Variants in TENM1 observed in about 807,000 individuals in gnomAD.
TENM1 encodes teneurin transmembrane protein 1.
TENM1 carries 35 observed loss-of-function variants against 174.8 expected under a neutral mutation model. That is an observed-to-expected ratio of 0.20 (90% CI 0.15 to 0.27). The LOEUF (loss-of-function observed/expected upper bound fraction) is 0.27. Ranked by LOEUF, TENM1 falls within the 10% of genes least tolerant of loss-of-function variation. The pLI is 1.00. For synonymous variants in TENM1, 781 were observed against 798.7 expected (o/e 0.98, Z 0.37); for missense variants, 1,633 against 2,130.1 (o/e 0.77, Z 4.59).
intron 4 of TENM1, among the ~76,000 whole-genome samples, chrX:124,725,134 G>T (rs1276370834): frequency 9.0e-6 from 1 of 110,850 alleles, no homozygotes; most frequent in East Asian, 2.8e-4. Context: ...CTCCTAAGAG[G>T]TATCTTTGAC....
At position 124,855,507 on chromosome X, in the gene TENM1, T is replaced by C. The variant is rs778918187; in HGVS notation, c.535+38789A>G. On this transcript the variant is annotated intron_variant, in intron 3 of 31. Transcript: ENST00000422452. ...TTTATGATTAACCAGGCTGGAAACA[T>C]AGACTTAAAAAAGAATAGCATTTGA... 2.7e-5 allele frequency among the ~76,000 whole-genome samples: 3 copies of C among 111,431 alleles called. No homozygotes were observed. In the East Asian group the frequency reaches 8.5e-4, roughly 31 times the overall value.
the TENM1 span, among the ~76,000 whole-genome samples, chrX:125,016,218 C>G: frequency 9.0e-6 from 1 of 110,529 alleles, no homozygotes; most frequent in East Asian, 2.8e-4. Flanking sequence ...GCCAGGGCAA[C>G]CAGGCAAGAG....
intron 1 of TENM1, among the ~76,000 whole-genome samples, chrX:124,919,509 T>C (rs1174426431): frequency 9.0e-6 from 1 of 110,977 alleles, no homozygotes; most frequent in African/African-American, 3.3e-5. Context: ...AAACATATTT[T>C]TAGGGATGCA....
chrX:124,655,191 C>A (rs2051410184), intron 6 of TENM1, among the ~76,000 whole-genome samples: 1 of 111,343 alleles, frequency 9.0e-6, no homozygotes, highest in South Asian at 3.8e-4. Flanking sequence ...CAAAGCTAAC[C>A]CCGTGATTGT....
At chrX:124,614,744 G>A (rs886077192) in intron 11 of TENM1, among the ~76,000 whole-genome samples, 2 of 112,243 alleles carry the variant, frequency 1.8e-5, no homozygotes, top group Non-Finnish European at 1.9e-5. Flanking sequence ...TTAGCTGGGC[G>A]TGGTGGTGCA....
chrX:124,734,333 C>T (rs1456641666), intron 4 of TENM1, among the ~76,000 whole-genome samples: 1 of 110,694 alleles, frequency 9.0e-6, no homozygotes, highest in African/African-American at 3.3e-5. Context: ...GCCTATAGTC[C>T]CAGCTACTCT....
chrX:124,813,017 CAAAT>C (rs1204832863), intron 3 of TENM1, among the ~76,000 whole-genome samples: 2 of 110,485 alleles, frequency 1.8e-5, no homozygotes, highest in African/African-American at 3.3e-5. Flanking sequence ...TGATAAAAGA[CAAAT>C]AACAAACTGG....
At chrX:124,879,203 T>C (rs1346826034) in intron 3 of TENM1, among the ~76,000 whole-genome samples, 1 of 111,837 alleles carries the variant, frequency 8.9e-6, no homozygotes, top group Non-Finnish European at 1.9e-5. Context: ...CCTACTCTGC[T>C]ATTGAACATT....
chrX:124,614,981 C>A (rs2050366200), intron 11 of TENM1, among the ~76,000 whole-genome samples: 1 of 111,998 alleles, frequency 8.9e-6, no homozygotes, highest in African/African-American at 3.2e-5. Flanking sequence ...TAGGAACATG[C>A]CCAAGATTTA....
At chrX:124,792,444 A>AT (rs1335597671) in intron 3 of TENM1, among the ~76,000 whole-genome samples, 1 of 112,131 alleles carries the variant, frequency 8.9e-6, no homozygotes, top group Non-Finnish European at 1.9e-5. Context: ...AAGAGAGAGA[A>AT]TTTTCTAGTT....
the TENM1 span, among the ~76,000 whole-genome samples, chrX:124,991,004 T>C: frequency 9.0e-6 from 1 of 111,444 alleles, no homozygotes; most frequent in Admixed American, 9.6e-5. Context: ...TTTTTAACCT[T>C]ACTCAGAGAC....
At chrX:124,913,987 T>C (rs1340336241) in intron 1 of TENM1, among the ~76,000 whole-genome samples, 1 of 112,102 alleles carries the variant, frequency 8.9e-6, no homozygotes, top group Non-Finnish European at 1.9e-5. Flanking sequence ...TGTATTATTA[T>C]CTTGTATTGA....
At chrX:124,649,099 A>C (rs375154920) in intron 8 of TENM1, among the ~76,000 whole-genome samples, 1 of 111,815 alleles carries the variant, frequency 8.9e-6, no homozygotes, top group East Asian at 2.8e-4. Flanking sequence ...ATGAAAAAAA[A>C]ATGTGTTTTT....
At chrX:124,563,588 T>A (rs1387636457) in intron 13 of TENM1, among the ~76,000 whole-genome samples, 161 bp downstream of exon 16, 1 of 110,371 alleles carries the variant, frequency 9.1e-6, no homozygotes. Context: ...CCTTTTAGTG[T>A]GACTATTTTA....
chrX:124,461,540 A>G (rs1234450025), intron 22 of TENM1, among the ~76,000 whole-genome samples: 3 of 112,039 alleles, frequency 2.7e-5, no homozygotes, highest in East Asian at 2.8e-4. Context: ...AATGTGGCAC[A>G]TATACACAAT....
chrX:125,143,426 G>C, the TENM1 span, among the ~76,000 whole-genome samples: 1 of 111,521 alleles, frequency 9.0e-6, no homozygotes, highest in Non-Finnish European at 1.9e-5. Flanking sequence ...AAACTTTCTT[G>C]AGTAAAGCTG....
intron 1 of TENM1, among the ~76,000 whole-genome samples, chrX:124,943,705 A>G (rs2058362532): frequency 8.9e-6 from 1 of 112,255 alleles, no homozygotes; most frequent in Admixed American, 9.4e-5. Context: ...CTTCTTATCC[A>G]GAGAAAACTG....
the TENM1 span, among the ~76,000 whole-genome samples, chrX:125,165,848 C>T: frequency 4.5e-5 from 5 of 111,227 alleles, no homozygotes; most frequent in Admixed American, 1.9e-4. Flanking sequence ...TTTAAACAGC[C>T]GCGATTCTTG....
chrX:125,011,375 T>TATCA, the TENM1 span, among the ~76,000 whole-genome samples: 2 of 111,774 alleles, frequency 1.8e-5, no homozygotes, highest in African/African-American at 6.5e-5. Flanking sequence ...CAAAAGAAAC[T>TATCA]ATCATCAGAG....
Sources: gnomAD v4.1 joint callset for allele counts (sites outside exome capture counted in the v4.1 genomes callset) on GRCh38, gnomAD v4.1.1 for gene constraint, MANE v1.5 for transcripts, NCBI Gene and HGNC (gene_info 2026-07-23, HGNC 2026-07-21) for gene names.